Variants in ARHGAP44 observed in about 807,000 individuals in gnomAD.
ARHGAP44 encodes Rho GTPase activating protein 44, also known as rho GTPase-activating protein 44.
A neutral mutation model predicts 106.8 loss-of-function variants in ARHGAP44; 43 were observed. That is an observed-to-expected ratio of 0.40 (90% confidence interval 0.32 to 0.52). The LOEUF (loss-of-function observed/expected upper bound fraction) is 0.52, where lower values mean the gene tolerates loss of function less well. Ranked by LOEUF, ARHGAP44 falls within the 20% of genes least tolerant of loss-of-function variation. The pLI is 0.48. For synonymous variants in ARHGAP44, 439 were observed against 410.3 expected (o/e 1.07, Z -0.85); for missense variants, 866 against 1,050.5 (o/e 0.82, Z 2.43).
In ARHGAP44 at chr17:12,896,490, G is replaced by C; in HGVS notation, c.177G>C (p.Gly59=). 1 of 1,606,652 alleles carries C rather than the reference G, an allele frequency of 6.2e-7. No individual in the cohort carries two copies. Among genetic ancestry groups the C allele is most frequent in the South Asian group, 1.1e-5 (1 of 89,162 alleles). The change falls in exon 3 of 21, where the codon GGG becomes GGC. Residue 59 remains glycine, a synonymous_variant. Coordinates refer to ENST00000379672, the MANE Select transcript of ARHGAP44 (RefSeq NM_014859.6). The stretch of plus-strand genomic sequence containing the variant: ...CCGCATGTCTGCAGGGCCAGCAAGG[G>C]GCAGAGGCTGACAAGCGCTCCGTAA... The part of the protein sequence containing the change: ...KLTACLQGQQ[G]AEADKRSKKL...
At chr17:12,871,499 A>T (rs565269160) in intron 1 of ARHGAP44, among the ~76,000 whole-genome samples, 1 of 152,238 alleles carries the variant, frequency 6.6e-6, no homozygotes, top group African/African-American at 2.4e-5. Flanking sequence ...GGAAGCAATC[A>T]TGTCTTATGT....
intron 20 of ARHGAP44, chr17:12,987,025 T>C (rs2143469842): frequency 1.9e-6 from 2 of 1,080,472 alleles, no homozygotes; most frequent in East Asian, 2.9e-5. Context: ...GCATAGCTTT[T>C]TTTTTTTTTT....
At chr17:12,847,590 T>C (rs2035606553) in intron 1 of ARHGAP44, among the ~76,000 whole-genome samples, 2 of 146,492 alleles carry the variant, frequency 1.4e-5, no homozygotes. Context: ...CTCGGCTCAC[T>C]GCAAGCTCCG....
chr17:12,844,021 G>A (rs1189069930), intron 1 of ARHGAP44, among the ~76,000 whole-genome samples: 2 of 152,032 alleles, frequency 1.3e-5, no homozygotes, highest in Admixed American at 1.3e-4. Context: ...TCCCTCAGTG[G>A]GTAGCAGCTG....
chr17:12,925,430 G>A (rs1175506096), intron 6 of ARHGAP44, among the ~76,000 whole-genome samples: 2 of 152,146 alleles, frequency 1.3e-5, no homozygotes, highest in Admixed American at 6.6e-5. Context: ...CAGAGGAAGG[G>A]GCAAGACTAG....
intron 1 of ARHGAP44, among the ~76,000 whole-genome samples, chr17:12,862,844 T>TA (rs2036127306): frequency 6.8e-6 from 1 of 147,804 alleles, no homozygotes; most frequent in Non-Finnish European, 1.5e-5. Flanking sequence ...AAATACAGTT[T>TA]AAAAAAATGA....
intron 7 of ARHGAP44, among the ~76,000 whole-genome samples, chr17:12,939,551 C>T (rs549580294): frequency 1.1e-4 from 17 of 152,184 alleles, no homozygotes; most frequent in Middle Eastern, 6.8e-3. Flanking sequence ...CCGCAAGCTC[C>T]GCTTCCTGGG....
In ARHGAP44 at chr17:12,974,206, T is replaced by A; in HGVS notation, c.1659T>A (p.Ala553=). ...MQPPAPPAEL[A]APLPSPLPEQ... The stretch of plus-strand genomic sequence containing the variant: ...CTCCCGCCCCGCCCGCCGAGCTGGC[T>A]GCGCCCCTGCCTTCGCCGCTGCCGG... The change falls in exon 18 of 21, where the codon GCT becomes GCA. Residue 553 remains alanine (A), a synonymous_variant. Transcript: ENST00000379672. 1 of 1,547,830 alleles carries A rather than the reference T, an allele frequency of 6.5e-7. No homozygotes were observed. Among genetic ancestry groups the A allele is most frequent in the Non-Finnish European group, 8.7e-7 (1 of 1,146,320 alleles).
chr17:12,936,801 C>T (rs557117788), intron 7 of ARHGAP44, among the ~76,000 whole-genome samples: 1 of 152,292 alleles, frequency 6.6e-6, no homozygotes, highest in Admixed American at 6.5e-5. Flanking sequence ...CTCTGTATTC[C>T]CACCAGCAAT....
intron 1 of ARHGAP44, among the ~76,000 whole-genome samples, chr17:12,870,954 T>G (rs1487935316): frequency 2.0e-5 from 3 of 152,180 alleles, no homozygotes; most frequent in Non-Finnish European, 4.4e-5. Context: ...TTTGGTCAAT[T>G]TTTTTCTTTT....
intron 3 of ARHGAP44, among the ~76,000 whole-genome samples, chr17:12,908,191 C>CTTTTTTTTTTT (rs1228178926): frequency 1.0e-5 from 1 of 95,608 alleles, no homozygotes; most frequent in Non-Finnish European, 2.1e-5. Context: ...TGCCTCATTT[C>CTTTTTTTTTTT]TTTTTTTTTT....
chr17:12,817,048 A>G (rs2034618810), intron 1 of ARHGAP44, among the ~76,000 whole-genome samples: 2 of 152,206 alleles, frequency 1.3e-5, no homozygotes, highest in Admixed American at 6.5e-5. Flanking sequence ...TGATTTTAAA[A>G]TGTGAAACCA....
chr17:12,883,836 AT>A (rs1311453038), intron 1 of ARHGAP44, among the ~76,000 whole-genome samples: 1 of 152,088 alleles, frequency 6.6e-6, no homozygotes, highest in Non-Finnish European at 1.5e-5. Flanking sequence ...TCCTTTTCAA[AT>A]CCTCTATGTC....
chr17:12,892,573 A>G (rs568479530), intron 1 of ARHGAP44, among the ~76,000 whole-genome samples: 1 of 152,074 alleles, frequency 6.6e-6, no homozygotes, highest in Non-Finnish European at 1.5e-5. Flanking sequence ...TTAGTCTAAT[A>G]TAGCTACCAT....
At chr17:12,962,841 T>C (rs1472919733) in intron 16 of ARHGAP44, among the ~76,000 whole-genome samples, 2 of 150,612 alleles carry the variant, frequency 1.3e-5, no homozygotes, top group Non-Finnish European at 3.0e-5. Flanking sequence ...AGGCCGAGAG[T>C]TCAAGACCAG....
intron 1 of ARHGAP44, among the ~76,000 whole-genome samples, chr17:12,834,461 A>C (rs1011380461): frequency 3.9e-5 from 6 of 152,216 alleles, no homozygotes; most frequent in Non-Finnish European, 7.3e-5. Context: ...CTATGATGGC[A>C]TCACTGCATT....
rs397838751 is a variant in ARHGAP44, at chr17:12,946,810, A to AAAG, written c.862-2330_862-2329insAAG. On this transcript the variant is annotated intron_variant, in intron 10 of 20. Transcript: ENST00000379672. ...AGTGAGACTCTATCTAAAAAAAAAA[A>AAAG]GTATTAATATTCCCCAAAAAGTAAC... Among the ~76,000 whole-genome samples, 29 of 151,554 alleles carry AAAG rather than the reference A, an allele frequency of 1.9e-4. No homozygotes were observed. The South Asian group carries it at 5.0e-3, about 26-fold the overall frequency.
chr17:12,846,215 T>C (rs2035566091), intron 1 of ARHGAP44, among the ~76,000 whole-genome samples: 2 of 152,222 alleles, frequency 1.3e-5, no homozygotes, highest in Admixed American at 1.3e-4. Context: ...TTTCTGTCAA[T>C]AATTTATCAA....
intron 7 of ARHGAP44, 183 bp downstream of exon 7, chr17:12,929,229 A>T: frequency 1.9e-6 from 1 of 519,218 alleles, no homozygotes; most frequent in Non-Finnish European, 3.5e-6. Flanking sequence ...TGGGGCTTTG[A>T]TGGTGACCTA....
Sources: gnomAD v4.1 joint callset for allele counts (sites outside exome capture counted in the v4.1 genomes callset) on GRCh38, gnomAD v4.1.1 for gene constraint, MANE v1.5 for transcripts, NCBI Gene and HGNC (gene_info 2026-07-23, HGNC 2026-07-21) for gene names.